The following GPC5 variants were observed in gnomAD, a reference collection of about 807,000 sequenced individuals.
The protein encoded by GPC5 is glypican 5, also known as glypican-5.
A neutral mutation model predicts 53.9 loss-of-function variants in GPC5; 47 were observed. That is an observed-to-expected ratio of 0.87 (90% confidence interval 0.69 to 1.11). The LOEUF (loss-of-function observed/expected upper bound fraction) is 1.11. GPC5 is among the 50% of genes most tolerant of loss of function. The pLI is 0.00. For missense variants in GPC5, 748 were observed against 713.1 expected (o/e 1.05, Z -0.56); for synonymous variants, 286 against 263.3 (o/e 1.09, Z -0.84).
chr13:91,524,552 A>AT (rs1177764996), intron 2 of GPC5, among the ~76,000 whole-genome samples: 3 of 152,142 alleles, frequency 2.0e-5, no homozygotes, highest in Admixed American at 2.0e-4. Context: ...AAACGGCATT[A>AT]TTTATATTCT....
chr13:92,381,998 C>CTATCTATCTATA (rs2043752411), intron 7 of GPC5, among the ~76,000 whole-genome samples: 1 of 143,128 alleles, frequency 7.0e-6, no homozygotes, highest in East Asian at 2.0e-4. Flanking sequence ...ATCTATCTAT[C>CTATCTATCTATA]TATCTATATA....
chr13:92,354,918 T>A (rs1015105233), intron 7 of GPC5, among the ~76,000 whole-genome samples: 1 of 151,916 alleles, frequency 6.6e-6, no homozygotes, highest in Non-Finnish European at 1.5e-5. Context: ...TGAAGGGAGA[T>A]GGAATTGAGT....
At chr13:92,177,013 G>C (rs1046236558) in intron 7 of GPC5, among the ~76,000 whole-genome samples, 1 of 152,016 alleles carries the variant, frequency 6.6e-6, no homozygotes, top group Admixed American at 6.6e-5. Flanking sequence ...TCATTGTTTT[G>C]ACTGATCTAT....
chr13:91,656,339 C>G (rs2139587006), intron 2 of GPC5, among the ~76,000 whole-genome samples: 1 of 152,130 alleles, frequency 6.6e-6, no homozygotes, highest in Non-Finnish European at 1.5e-5. Context: ...AATGATTTAC[C>G]AAATAAACTG....
chr13:92,842,680 A>G (rs757700835), intron 7 of GPC5, among the ~76,000 whole-genome samples: 23 of 150,928 alleles, frequency 1.5e-4, no homozygotes, highest in African/African-American at 3.7e-4. Flanking sequence ...CATATTTCCA[A>G]TGACAAGATT....
chr13:92,053,147 G>T (rs1420204302), intron 6 of GPC5, among the ~76,000 whole-genome samples: 3 of 152,196 alleles, frequency 2.0e-5, no homozygotes, highest in Admixed American at 6.5e-5. Flanking sequence ...AGCTGTGGTT[G>T]TTTCCCAGTC....
Position 92,002,890 on chromosome 13 carries a change from A to G in GPC5, c.1401+94833A>G, listed in dbSNP as rs76031297. ...TTCAGAAGCTGAACCTACAGGGTGG[A>G]TGGATGTAACCACAGTTGTTGGCTA... On this transcript the variant is annotated intron_variant, in intron 6 of 7. Transcript: ENST00000377067. Among the ~76,000 whole-genome samples, 1,141 of 152,330 alleles carry G rather than the reference A, an allele frequency of 7.5e-3. 13 individuals carry two copies. Among genetic ancestry groups the G allele is most frequent in the Non-Finnish European group, 8.7e-3 (594 of 68,030 alleles).
chr13:92,829,217 C>T (rs1170349551), intron 7 of GPC5, among the ~76,000 whole-genome samples: 1 of 152,090 alleles, frequency 6.6e-6, no homozygotes, highest in African/African-American at 2.4e-5. Context: ...CACATTGCCA[C>T]AATACATTTT....
At chr13:92,159,419 G>A (rs906052453) in intron 7 of GPC5, among the ~76,000 whole-genome samples, 1 of 152,006 alleles carries the variant, frequency 6.6e-6, no homozygotes, top group Non-Finnish European at 1.5e-5. Context: ...TAGTCTGAGC[G>A]CCAGCAATTT....
Position 92,818,493 on chromosome 13 carries a change from C to T in GPC5, c.1562-47789C>T, listed in dbSNP as rs966462610. Among the ~76,000 whole-genome samples the T allele has an allele frequency of 3.3e-5, 5 of 151,644 alleles. 1 individual carries two copies. Among genetic ancestry groups the T allele is most frequent in the East Asian group, 1.9e-4 (1 of 5,188 alleles). On this transcript the variant is annotated intron_variant, in intron 7 of 7. Coordinates refer to ENST00000377067, the MANE Select transcript of GPC5 (RefSeq NM_004466.6). The stretch of plus-strand genomic sequence containing the variant: ...CAGGGAAGGAGTTATCCCTTATTAC[C>T]GAGGAAAGCTGTAAAAGATGGAGAT...
At chr13:91,531,897 A>G (rs368613767) in intron 2 of GPC5, among the ~76,000 whole-genome samples, 1 of 152,156 alleles carries the variant, frequency 6.6e-6, no homozygotes, top group African/African-American at 2.4e-5. Flanking sequence ...CATTGTTTCC[A>G]TGAGTCTCTT....
chr13:91,981,034 G>T (rs1490369032), intron 6 of GPC5, among the ~76,000 whole-genome samples: 2 of 152,146 alleles, frequency 1.3e-5, no homozygotes, highest in Non-Finnish European at 2.9e-5. Context: ...TGCAGTGTGG[G>T]TCTATTATGA....
intron 7 of GPC5, chr13:92,239,802 G>T (rs2042596562): frequency 3.1e-5 from 1 of 32,072 alleles, no homozygotes; most frequent in African/African-American, 1.1e-4. Flanking sequence ...CAAATGATTT[G>T]CTTTTATACA....
At chr13:91,674,393 A>G (rs1428833267) in intron 2 of GPC5, among the ~76,000 whole-genome samples, 5 of 147,764 alleles carry the variant, frequency 3.4e-5, no homozygotes, top group Non-Finnish European at 6.0e-5. Context: ...ATATATATAC[A>G]CACACACATA....
At chr13:92,084,114 A>G (rs942650016) in intron 6 of GPC5, among the ~76,000 whole-genome samples, 7 of 152,068 alleles carry the variant, frequency 4.6e-5, no homozygotes, top group African/African-American at 1.7e-4. Context: ...ACACACTGGG[A>G]CCTATCCGGT....
At chr13:92,821,351 A>G (rs1877666047) in intron 7 of GPC5, among the ~76,000 whole-genome samples, 1 of 152,118 alleles carries the variant, frequency 6.6e-6, no homozygotes, top group Non-Finnish European at 1.5e-5. Context: ...TTATGCATGC[A>G]TTTCCTCTTA....
intron 3 of GPC5, among the ~76,000 whole-genome samples, chr13:91,714,053 C>G (rs1249504660): frequency 2.0e-5 from 3 of 152,142 alleles, no homozygotes; most frequent in African/African-American, 4.8e-5. Flanking sequence ...ACCTGATTTT[C>G]TCAGGGTCTA....
At chr13:92,598,852 A>G (rs1463267677) in intron 7 of GPC5, among the ~76,000 whole-genome samples, 2 of 152,158 alleles carry the variant, frequency 1.3e-5, no homozygotes, top group Non-Finnish European at 2.9e-5. Context: ...ACTCGTCTCT[A>G]CTAAGAATAC....
Position 91,870,234 on chromosome 13 carries a change from A to G in GPC5, c.1281-37703A>G, listed in dbSNP as rs1027846250. On this transcript the variant is annotated intron_variant, in intron 5 of 7. Coordinates refer to ENST00000377067, the MANE Select transcript of GPC5 (RefSeq NM_004466.6). ...CTAAAGATGAAGAACTCCCTTATGC[A>G]CCGTAGAGTATGAAATGCTTCAAGA... is the stretch of plus-strand genomic sequence containing the variant. Among the ~76,000 whole-genome samples the G allele has an allele frequency of 2.6e-5, 4 of 152,286 alleles. No homozygotes were observed. The South Asian group carries it at 6.2e-4, about 24-fold the overall frequency.
Sources: allele counts gnomAD v4.1 joint callset (sites outside exome capture counted in the v4.1 genomes callset), GRCh38; gene constraint gnomAD v4.1.1; transcripts MANE v1.5; gene names NCBI Gene and HGNC (gene_info 2026-07-23, HGNC 2026-07-21).